Variants in KCNAB1 observed in about 807,000 individuals in gnomAD.
KCNAB1 encodes the protein potassium voltage-gated channel subfamily A regulatory beta subunit 1, also known as voltage-gated potassium channel subunit beta-1.
A neutral mutation model predicts 64.6 loss-of-function variants in KCNAB1; 35 were observed. The ratio of observed to expected loss-of-function variants is 0.54; its 90% CI spans 0.41 to 0.72. The LOEUF (loss-of-function observed/expected upper bound fraction) is 0.72, where lower values mean the gene tolerates loss of function less well. Ranked by LOEUF, KCNAB1 falls within the 30% of genes least tolerant of loss-of-function variation. The pLI is 0.00. For missense variants in KCNAB1, 401 were observed against 512.9 expected, an observed-to-expected ratio of 0.78 and a Z score of 2.11; for synonymous variants, 177 against 183.8, an observed-to-expected ratio of 0.96 and a Z score of 0.30.
intron 1 of KCNAB1, chr3:156,217,047 G>A (rs1355587816): frequency 1.3e-5 from 2 of 152,246 alleles, no homozygotes; most frequent in Admixed American, 6.5e-5. Context: ...AGGCTGTAGA[G>A]ATGAAATTAG....
chr3:156,201,365 C>T (rs1000034794), intron 1 of KCNAB1, among the ~76,000 whole-genome samples: 1 of 152,202 alleles, frequency 6.6e-6, no homozygotes, highest in Non-Finnish European at 1.5e-5. Context: ...AGAAAGTTCC[C>T]ATATACCCTA....
At position 156,516,757 on chromosome 3, in the gene KCNAB1, A is replaced by G. The variant is rs528040625; in HGVS notation, c.960+393A>G. 3.3e-4 allele frequency among the ~76,000 whole-genome samples: 50 copies of G among 152,352 alleles called. 1 individual carries two copies. The highest frequency in any genetic ancestry group is 2.7e-3 in the Admixed American group (42 of 15,310). The stretch of plus-strand genomic sequence containing the variant: ...CTTACATTATTTCCTTTTCTTGACA[A>G]ACAAAGTGTAAGCCATAAAGGCTTA... On this transcript the variant is annotated intron_variant, in intron 11 of 13. Transcript: ENST00000490337.
chr3:156,302,329 G>A (rs1199281060), intron 1 of KCNAB1, among the ~76,000 whole-genome samples: 9 of 152,058 alleles, frequency 5.9e-5, no homozygotes, highest in East Asian at 3.9e-4. Context: ...TAATATGTGC[G>A]CAGTTTCCAG....
downstream of KCNAB1, chr3:156,538,808 T>C (rs1427400742): frequency 5.9e-5 from 9 of 152,236 alleles, no homozygotes; most frequent in African/African-American, 2.2e-4. Flanking sequence ...TCCAAACATA[T>C]TCTATCATCA....
chr3:156,536,940 C>T lies in KCNAB1; in HGVS notation c.*193C>T. The T allele has an allele frequency of 3.3e-6, 2 of 597,994 alleles. No homozygotes were observed. Among genetic ancestry groups the T allele is most frequent in the East Asian group, 5.5e-5 (2 of 36,152 alleles). The allele number at this position is 597,994 out of a possible 1,614,324, so 37.0% of individuals were successfully genotyped here. On this transcript the variant is annotated 3_prime_UTR_variant, in exon 14 of 14. Transcript: ENST00000490337. Reference sequence around the variant, plus strand: ...CTGAAAACTCACAACCAAGAAAATCCATTCTATTTTCTTATCTTGGACTGG... The same window carrying T: ...CTGAAAACTCACAACCAAGAAAATCTATTCTATTTTCTTATCTTGGACTGG...
At chr3:156,286,309 C>G in intron 1 of KCNAB1, among the ~76,000 whole-genome samples, 1 of 152,206 alleles carries the variant, frequency 6.6e-6, no homozygotes, top group Non-Finnish European at 1.5e-5. Context: ...AGCAAACTTG[C>G]ATCCTAGAAA....
chr3:156,232,174 A>G (rs1333074679), intron 1 of KCNAB1, among the ~76,000 whole-genome samples: 3 of 152,216 alleles, frequency 2.0e-5, no homozygotes, highest in Non-Finnish European at 4.4e-5. Flanking sequence ...AGCCACCTGA[A>G]AAAAGGAAGT....
intron 1 of KCNAB1, among the ~76,000 whole-genome samples, chr3:156,128,560 A>G (rs1226019546): frequency 6.6e-6 from 1 of 152,220 alleles, no homozygotes; most frequent in Non-Finnish European, 1.5e-5. Flanking sequence ...GTCGTGCATT[A>G]TCTCATTTGC....
At chr3:156,461,183 G>A (rs985092308) in intron 5 of KCNAB1, among the ~76,000 whole-genome samples, 2 of 152,188 alleles carry the variant, frequency 1.3e-5, no homozygotes, top group Admixed American at 1.3e-4. Context: ...TATGGTTGCT[G>A]CAACAAAGGA....
chr3:156,284,864 T>G (rs777220737), intron 1 of KCNAB1, among the ~76,000 whole-genome samples: 2 of 152,150 alleles, frequency 1.3e-5, no homozygotes, highest in Non-Finnish European at 2.9e-5. Context: ...GCGCCCACAG[T>G]CTGGCACTCC....
At chr3:156,476,842 T>C (rs1199601794) in intron 8 of KCNAB1, among the ~76,000 whole-genome samples, 1 of 152,210 alleles carries the variant, frequency 6.6e-6, no homozygotes, top group Non-Finnish European at 1.5e-5. Flanking sequence ...TAGTGTCAAG[T>C]AAAATGCCAT....
intron 1 of KCNAB1, among the ~76,000 whole-genome samples, chr3:156,334,169 T>G (rs531758997): frequency 3.9e-5 from 6 of 152,336 alleles, no homozygotes; most frequent in African/African-American, 1.4e-4. Context: ...TGGAATTTAT[T>G]TTGGCATAAT....
chr3:156,534,594 C>T (rs560663502), intron 13 of KCNAB1, among the ~76,000 whole-genome samples: 4 of 152,174 alleles, frequency 2.6e-5, no homozygotes, highest in East Asian at 1.9e-4. Flanking sequence ...CTCAGAGCTT[C>T]GGCGATAACA....
At chr3:156,147,213 G>C (rs1487605803) in intron 1 of KCNAB1, among the ~76,000 whole-genome samples, 1 of 152,162 alleles carries the variant, frequency 6.6e-6, no homozygotes, top group Non-Finnish European at 1.5e-5. Context: ...CCTTTACAAA[G>C]TTACAGGGTC....
At chr3:156,151,067 C>G (rs1715374455) in intron 1 of KCNAB1, among the ~76,000 whole-genome samples, 2 of 152,238 alleles carry the variant, frequency 1.3e-5, no homozygotes, top group African/African-American at 2.4e-5. Flanking sequence ...GTCAGCCCCA[C>G]CTCAGGTGCA....
Position 156,137,008 on chromosome 3 carries a change from C to T in KCNAB1, c.275+16122C>T, listed in dbSNP as rs181248683. 7.2e-5 allele frequency among the ~76,000 whole-genome samples: 11 copies of T among 152,106 alleles called. No individual in the cohort carries two copies. The South Asian group carries it at 1.2e-3, about 17-fold the overall frequency. On this transcript the variant is annotated intron_variant, in intron 1 of 13. Coordinates refer to ENST00000490337, the MANE Select transcript of KCNAB1 (RefSeq NM_172160.3). ...CTATAGATGTAGTCACCAATAAATA[C>T]GCTCATTTTTTTCTTTTTTTTTTAA... is the stretch of plus-strand genomic sequence containing the variant.
intron 1 of KCNAB1, among the ~76,000 whole-genome samples, chr3:156,316,858 G>A (rs1874952): frequency 0.37 from 56,533 of 152,050 alleles, 13,732 homozygotes; most frequent in African/African-American, 0.7. Flanking sequence ...TGAAATCCAT[G>A]AAGGTCAGAG....
At chr3:156,479,139 C>T (rs1032514265) in intron 8 of KCNAB1, among the ~76,000 whole-genome samples, 7 of 152,106 alleles carry the variant, frequency 4.6e-5, no homozygotes, top group Non-Finnish European at 1.5e-5. Flanking sequence ...TATCTGGCAA[C>T]GATGGCATGT....
At chr3:156,280,227 C>T (rs1176636356) in intron 1 of KCNAB1, among the ~76,000 whole-genome samples, 5 of 150,132 alleles carry the variant, frequency 3.3e-5, no homozygotes, top group African/African-American at 1.2e-4. Context: ...AATAGGGAAT[C>T]CTTTCCCCAT....
Sources: allele counts gnomAD v4.1 joint callset (sites outside exome capture counted in the v4.1 genomes callset), GRCh38; gene constraint gnomAD v4.1.1; transcripts MANE v1.5; gene names NCBI Gene and HGNC (gene_info 2026-07-23, HGNC 2026-07-21).